Variants in PRR14L observed in about 807,000 individuals in gnomAD.
PRR14L encodes protein PRR14L.
A neutral mutation model predicts 155.0 loss-of-function variants in PRR14L; 80 were observed. The observed-to-expected ratio is 0.52, with a 90% CI of 0.43 to 0.62. The LOEUF (loss-of-function observed/expected upper bound fraction) is 0.62. Ranked by LOEUF, PRR14L falls within the 20% of genes least tolerant of loss-of-function variation. The pLI is 0.00. For missense variants in PRR14L, 2,469 were observed against 2,548.0 expected (o/e 0.97, Z 0.67); for synonymous variants, 883 against 916.0 (o/e 0.96, Z 0.65).
At position 31,714,815 on chromosome 22, in the gene PRR14L, T is replaced by C. The variant is rs553788577; in HGVS notation, c.3024A>G (p.Val1008=). ...RETVTEPHGE[V]NHNQKDLLVS... ...CCAGCAGATCCTTTTGGTTGTGGTT[T>C]ACCTCCCCGTGAGGCTCGGTGACAG... is the stretch of plus-strand genomic sequence containing the variant. The change falls in exon 4 of 9, where the codon GTA becomes GTG. Residue 1008 remains valine (V), a synonymous_variant. Transcript: ENST00000327423. 1.9e-6 allele frequency: 3 copies of C among 1,552,212 alleles called. No individual in the cohort carries two copies. The highest frequency in any genetic ancestry group is 2.6e-6 in the Non-Finnish European group (3 of 1,147,102).
intron 3 of PRR14L, among the ~76,000 whole-genome samples, chr22:31,718,348 C>T (rs555323689): frequency 5.3e-5 from 8 of 151,284 alleles, no homozygotes; most frequent in South Asian, 4.2e-4. Flanking sequence ...CTCCGCCTCC[C>T]GGGTTCATGC....
rs1450597087 is a variant in PRR14L, at chr22:31,713,519, C to T, written c.4320G>A (p.Glu1440=). ...GGGTGATTTCATTGATCATGGTGGA[C>T]TCATCTTTGTCAGCCTTCGGTTGGT... ...NQNQPKADKD[E]STMINEITLA... The change falls in exon 4 of 9, where the codon GAG becomes GAA. Residue 1440 remains glutamate, a synonymous_variant. Coordinates refer to ENST00000327423, the MANE Select transcript of PRR14L (RefSeq NM_173566.3). The T allele has an allele frequency of 2.6e-6, 4 of 1,552,098 alleles. No individual in the cohort carries two copies. In the East Asian group the frequency reaches 9.8e-5, roughly 38 times the overall value.
intron 4 of PRR14L, among the ~76,000 whole-genome samples, chr22:31,711,557 G>C (rs1413191392): frequency 1.3e-5 from 2 of 151,930 alleles, no homozygotes; most frequent in Non-Finnish European, 2.9e-5. Flanking sequence ...GAGGCAGGTG[G>C]ATCACCTGAG....
chr22:31,701,438 C>G (rs536332253), intron 7 of PRR14L, among the ~76,000 whole-genome samples: 2 of 152,314 alleles, frequency 1.3e-5, no homozygotes, highest in South Asian at 4.1e-4. Flanking sequence ...TACGACCTAA[C>G]ACAGGTTCAT....
chr22:31,721,130 C>T (rs937343010), intron 3 of PRR14L, among the ~76,000 whole-genome samples: 2 of 152,030 alleles, frequency 1.3e-5, no homozygotes, highest in African/African-American at 4.8e-5. Flanking sequence ...GGTGAGGAAC[C>T]AGCAAGAGTG....
chr22:31,732,332 G>A (rs975177226), intron 2 of PRR14L, among the ~76,000 whole-genome samples: 1 of 152,164 alleles, frequency 6.6e-6, no homozygotes, highest in African/African-American at 2.4e-5. Flanking sequence ...TAGCATCTGG[G>A]AACTAGAGTT....
In PRR14L at chr22:31,713,276, C is replaced by A; in HGVS notation, c.4563G>T (p.Gln1521His). ...AKKGVLPLKKQPHRTCKKVSY... is the reference protein window; with the variant it reads ...AKKGVLPLKKHPHRTCKKVSY... Reference sequence around the variant, plus strand: ...AAACTTTCTTACAAGTTCGATGGGGCTGCTTCTTTAAGGGAAGAACTCCTT... The same window carrying A: ...AAACTTTCTTACAAGTTCGATGGGGATGCTTCTTTAAGGGAAGAACTCCTT... Residue 1521 changes from glutamine to histidine, a missense_variant, in exon 4 of 9, where the codon CAG becomes CAT. Transcript: ENST00000327423. 1 of 1,552,208 alleles carries A rather than the reference C, an allele frequency of 6.4e-7. No individual in the cohort carries two copies. Among genetic ancestry groups the A allele is most frequent in the Non-Finnish European group, 8.7e-7 (1 of 1,147,098 alleles).
chr22:31,742,072 AT>A (rs1051251211), intron 1 of PRR14L, among the ~76,000 whole-genome samples: 3 of 152,180 alleles, frequency 2.0e-5, no homozygotes, highest in Non-Finnish European at 4.4e-5. Flanking sequence ...GAAGTGCTCA[AT>A]TTTAATTTGG....
At chr22:31,721,042 A>G (rs1176629640) in intron 3 of PRR14L, among the ~76,000 whole-genome samples, 4 of 152,262 alleles carry the variant, frequency 2.6e-5, no homozygotes, top group African/African-American at 9.6e-5. Context: ...AATAAACTTG[A>G]TAACATCAGT....
chr22:31,695,137 C>A (rs116250098), intron 7 of PRR14L, among the ~76,000 whole-genome samples: 2,212 of 152,150 alleles, frequency 0.015, 56 homozygotes, highest in African/African-American at 0.051. Flanking sequence ...AATATACCCC[C>A]AAAAAAAGAA....
At chr22:31,727,220 G>T (rs995915147) in intron 2 of PRR14L, among the ~76,000 whole-genome samples, 4 of 150,510 alleles carry the variant, frequency 2.7e-5, no homozygotes, top group Admixed American at 1.3e-4. Flanking sequence ...CCTTTTCCTT[G>T]ATTAGCCACA....
At position 31,715,094 on chromosome 22, in the gene PRR14L, TAC is replaced by T. The variant is rs769534246; in HGVS notation, c.2743_2744del (p.Val915IlefsTer3). 6.4e-7 allele frequency: 1 copy of T among 1,551,818 alleles called. No homozygotes were observed. Among genetic ancestry groups the T allele is most frequent in the Non-Finnish European group, 8.7e-7 (1 of 1,146,986 alleles). On this transcript the variant is annotated frameshift_variant, in exon 4 of 9. Coordinates refer to ENST00000327423, the MANE Select transcript of PRR14L (RefSeq NM_173566.3). LOFTEE classifies it high-confidence loss of function. ...GATCAGAGATGTTATACTTACAAAATACAGTTTCTTTGGATACATCCTGCTCC... is the reference window on the plus strand; with the variant it reads ...GATCAGAGATGTTATACTTACAAAATAGTTTCTTTGGATACATCCTGCTCC... Reference protein sequence around the residue: ...GKEQDVSKETVFCKYNISDHA... With the variant: ...GKEQDVSKETXFCKYNISDHA...
intron 3 of PRR14L, 69 bp downstream of exon 3, chr22:31,725,469 A>T: frequency 9.5e-7 from 1 of 1,054,274 alleles, no homozygotes; most frequent in Non-Finnish European, 1.4e-6. Flanking sequence ...CTCAATGCAA[A>T]ATGGAAGCGG....
At chr22:31,746,792 AGT>A (rs984771708) in intron 1 of PRR14L, among the ~76,000 whole-genome samples, 6 of 146,780 alleles carry the variant, frequency 4.1e-5, no homozygotes, top group Non-Finnish European at 6.0e-5. Flanking sequence ...TTCTCCCAGC[AGT>A]CTTTTTTTTT....
chr22:31,726,175 G>A (rs547260835), intron 2 of PRR14L, among the ~76,000 whole-genome samples: 1 of 151,882 alleles, frequency 6.6e-6, no homozygotes, highest in East Asian at 2.0e-4. Flanking sequence ...AGAGGTTGCA[G>A]TGAGCCAAGA....
In PRR14L at chr22:31,715,590, C is replaced by A; in HGVS notation, c.2249G>T (p.Gly750Val). The A allele has an allele frequency of 6.4e-7, 1 of 1,551,980 alleles. No homozygotes were observed. The highest frequency in any genetic ancestry group is 1.2e-5 in the South Asian group (1 of 84,054). Residue 750 changes from glycine (G) to valine (V), a missense_variant, in exon 4 of 9, where the codon GGA (glycine) becomes GTA (valine). Gly to Val is a moderately radical substitution (Grantham distance 109). Transcript: ENST00000327423. ...CAGCCTGGAATGTAGAGCTTTTGTT[C>A]CTGAATCAGCCATTTCCTTTTTTCT... Reference protein sequence around the residue: ...LERKKEMADSGTKALHSRLRS... With the variant: ...LERKKEMADSVTKALHSRLRS...
At chr22:31,729,672 T>C (rs779223422) in intron 2 of PRR14L, among the ~76,000 whole-genome samples, 4 of 152,162 alleles carry the variant, frequency 2.6e-5, no homozygotes, top group Non-Finnish European at 4.4e-5. Flanking sequence ...GCAAATACCA[T>C]ATGATTCCAC....
Position 31,701,736 on chromosome 22 carries a change from T to C in PRR14L, c.6027A>G (p.Lys2009=). The C allele has an allele frequency of 1.2e-6, 2 of 1,614,066 alleles. No individual in the cohort carries two copies. Among genetic ancestry groups the C allele is most frequent in the African/African-American group, 1.3e-5 (1 of 75,060 alleles). The change falls in exon 7 of 9, where the codon AAA becomes AAG. Residue 2009 remains lysine, a synonymous_variant. Transcript: ENST00000327423. ...TTTTCCGGATGCGAATCTGTGAGAC[T>C]TTCTTTGGCCTCTTCTCTGGCTCAG... is the stretch of plus-strand genomic sequence containing the variant. ...KEAEPEKRPK[K]VSQIRIRKTI...
chr22:31,742,658 C>G (rs2074818811), intron 1 of PRR14L, among the ~76,000 whole-genome samples: 1 of 152,150 alleles, frequency 6.6e-6, no homozygotes, highest in African/African-American at 2.4e-5. Context: ...TGAGCCACTG[C>G]ACCTGGCCTA....
Sources: gnomAD v4.1 joint callset for allele counts (sites outside exome capture counted in the v4.1 genomes callset) on GRCh38, gnomAD v4.1.1 for gene constraint, MANE v1.5 for transcripts, NCBI Gene and HGNC (gene_info 2026-07-23, HGNC 2026-07-21) for gene names.